Variants in FARP2 observed in about 807,000 individuals in gnomAD.
FARP2 encodes the protein FERM, ARHGEF and pleckstrin domain-containing protein 2.
A neutral mutation model predicts 130.5 loss-of-function variants in FARP2; 111 were observed. The ratio of observed to expected loss-of-function variants is 0.85; its 90% confidence interval spans 0.73 to 1.00. The LOEUF is 1.00. Ranked by LOEUF, FARP2 falls within the 50% of genes least tolerant of loss-of-function variation. The pLI, the probability that FARP2 is intolerant of heterozygous loss-of-function variation, is 0.00. For missense variants in FARP2, 1,385 were observed against 1,346.3 expected (o/e 1.03, Z -0.45); for synonymous variants, 504 against 516.9 (o/e 0.98, Z 0.34).
At chr2:241,478,943 G>C (rs1053588857) in intron 19 of FARP2, 10 of 399,636 alleles carry the variant, frequency 2.5e-5, no homozygotes, top group Non-Finnish European at 3.8e-5. Flanking sequence ...TATGGCCAGT[G>C]AACCCAGAAA....
At chr2:241,486,461 CAAAAA>C (rs56961097) in intron 21 of FARP2, among the ~76,000 whole-genome samples, 9 of 50,016 alleles carry the variant, frequency 1.8e-4, no homozygotes, top group Admixed American at 3.5e-4. Flanking sequence ...GACCTCGTCT[CAAAAA>C]AAAAAAAAAA....
chr2:241,466,250 G>A, intron 17 of FARP2: 3 of 985,438 alleles, frequency 3.0e-6, no homozygotes, highest in Non-Finnish European at 3.6e-6. Context: ...TGCAAGTGTG[G>A]TCCCTGGAGC....
intron 2 of FARP2, among the ~76,000 whole-genome samples, chr2:241,396,968 A>G (rs2062044854): frequency 6.6e-6 from 1 of 152,246 alleles, no homozygotes; most frequent in Non-Finnish European, 1.5e-5. Context: ...GATTAAGAAA[A>G]TGTGGCACAT....
intron 8 of FARP2, among the ~76,000 whole-genome samples, chr2:241,426,027 G>A (rs2062932306): frequency 6.6e-6 from 1 of 151,874 alleles, no homozygotes; most frequent in Non-Finnish European, 1.5e-5. Context: ...CACACATGTA[G>A]ATTTTTAAAA....
chr2:241,464,014 G>A, intron 17 of FARP2, 34 bp downstream of exon 17: 1 of 1,565,750 alleles, frequency 6.4e-7, no homozygotes, highest in Non-Finnish European at 8.8e-7. Flanking sequence ...CTACATGAAT[G>A]CTGTTTATGG....
chr2:241,465,707 G>T (rs948888784), intron 17 of FARP2: 11 of 1,550,794 alleles, frequency 7.1e-6, no homozygotes, highest in African/African-American at 6.8e-5. Context: ...ACCGCCCAAG[G>T]TGTGGAGCTC....
chr2:241,484,845 A>G (rs919342338), intron 21 of FARP2, among the ~76,000 whole-genome samples: 2 of 152,176 alleles, frequency 1.3e-5, no homozygotes, highest in East Asian at 1.9e-4. Flanking sequence ...GGAGACTTTC[A>G]TGCAGCTCTA....
intron 8 of FARP2, among the ~76,000 whole-genome samples, chr2:241,428,774 C>T (rs954960731): frequency 1.3e-5 from 2 of 152,110 alleles, no homozygotes; most frequent in African/African-American, 4.8e-5. Context: ...CAAAAAGAGA[C>T]CCTCATACTC....
chr2:241,466,387 C>T (rs2064170200), intron 17 of FARP2: 2 of 985,322 alleles, frequency 2.0e-6, no homozygotes, highest in South Asian at 4.7e-5. Flanking sequence ...TGACCAGGTG[C>T]AGGTGGGTGC....
chr2:241,484,564 C>G (rs74942623), intron 21 of FARP2, among the ~76,000 whole-genome samples: 1 of 152,190 alleles, frequency 6.6e-6, no homozygotes. Context: ...CCATGGTTCC[C>G]TTCTAGGGAA....
chr2:241,407,725 A>G (rs1424400100), intron 5 of FARP2, 110 bp downstream of exon 5: 2 of 808,266 alleles, frequency 2.5e-6, no homozygotes, highest in East Asian at 5.1e-5. Context: ...ATATACACAG[A>G]AAAGTGACCA....
intron 17 of FARP2, chr2:241,465,774 T>C: frequency 6.5e-7 from 1 of 1,550,326 alleles, no homozygotes; most frequent in East Asian, 2.4e-5. Flanking sequence ...CTCCCCCTCC[T>C]CCATCCCTCG....
Position 241,441,383 on chromosome 2 carries a change from C to T in FARP2, c.1238C>T (p.Thr413Ile), listed in dbSNP as rs1359008321. Residue 413 changes from threonine (T) to isoleucine (I), a missense_variant, in exon 13 of 27, where the codon ACT becomes ATT. By Grantham distance (89) the Thr-to-Ile change is moderately conservative. Coordinates refer to ENST00000264042, the MANE Select transcript of FARP2 (RefSeq NM_014808.4). ...ANAFYSLSPS[T>I]LVPSGLPEFK... ...GCCTTTTACTCGCTCTCTCCCTCCA[C>T]TCTGGTCCCCTCTGGCCTGCCAGAG... The T allele has an allele frequency of 5.6e-6, 9 of 1,614,262 alleles. No individual in the cohort carries two copies. The highest frequency in any genetic ancestry group is 6.8e-6 in the Non-Finnish European group (8 of 1,180,044).
chr2:241,468,466 A>G (rs1037327576), intron 18 of FARP2, 89 bp downstream of exon 18: 8 of 956,282 alleles, frequency 8.4e-6, no homozygotes, highest in Non-Finnish European at 1.3e-5. Context: ...GACTTCCTTC[A>G]CTGGGAAGCG....
chr2:241,424,264 C>G (rs2062877979), intron 8 of FARP2, among the ~76,000 whole-genome samples: 1 of 152,210 alleles, frequency 6.6e-6, no homozygotes, highest in African/African-American at 2.4e-5. Context: ...CAAACAGTCT[C>G]TTACACCACA....
chr2:241,486,287 C>CTTTTT (rs71406464), intron 21 of FARP2, among the ~76,000 whole-genome samples: 4 of 103,868 alleles, frequency 3.9e-5, no homozygotes, highest in East Asian at 2.9e-4. Context: ...CTCCAAAAAT[C>CTTTTT]TTTTTTTTTT....
intron 17 of FARP2, chr2:241,465,346 C>T: frequency 1.3e-6 from 1 of 791,422 alleles, no homozygotes; most frequent in Non-Finnish European, 2.2e-6. Context: ...ACAGAGTCCC[C>T]CCTCCCCAGG....
chr2:241,467,518 C>T (rs941058512), intron 17 of FARP2, among the ~76,000 whole-genome samples: 3 of 152,008 alleles, frequency 2.0e-5, no homozygotes, highest in Middle Eastern at 3.4e-3. Context: ...GGCGTGGTGG[C>T]ACATGCCTGT....
At chr2:241,417,748 A>G (rs1464208346) in intron 7 of FARP2, among the ~76,000 whole-genome samples, 2 of 152,242 alleles carry the variant, frequency 1.3e-5, no homozygotes, top group African/African-American at 4.8e-5. Context: ...TACCCGTTAC[A>G]AAGTAGTTAC....
Sources: allele counts gnomAD v4.1 joint callset (sites outside exome capture counted in the v4.1 genomes callset), GRCh38; gene constraint gnomAD v4.1.1; transcripts MANE v1.5; gene names NCBI Gene and HGNC (gene_info 2026-07-23, HGNC 2026-07-21).